MMP26: variants seen among roughly 807,000 people sequenced by gnomAD.
MMP26 encodes the protein matrix metalloproteinase-26.
MMP26 carries 33 observed loss-of-function variants against 31.0 expected under a neutral mutation model. The observed-to-expected ratio is 1.06, with a 90% CI of 0.81 to 1.42. The LOEUF (loss-of-function observed/expected upper bound fraction) is 1.42. Among genes scored for constraint, MMP26 ranks in the 40% most tolerant of loss-of-function variants. The pLI is 0.00. For missense variants in MMP26, 347 were observed against 316.1 expected, an observed-to-expected ratio of 1.10 and a Z score of -0.74; for synonymous variants, 122 against 114.9, an observed-to-expected ratio of 1.06 and a Z score of -0.40.
intron 2 of MMP26, chr11:4,877,388 T>C (rs994239073): frequency 6.6e-6 from 1 of 152,394 alleles, no homozygotes; most frequent in African/African-American, 2.4e-5. Flanking sequence ...CACACATTCA[T>C]GGCCAATATC....
At chr11:4,770,864 A>G (rs1016715692) in intron 2 of MMP26, among the ~76,000 whole-genome samples, 20 of 152,112 alleles carry the variant, frequency 1.3e-4, no homozygotes, top group African/African-American at 4.8e-4. Flanking sequence ...AAAAAAAAAC[A>G]TGGTGTGAAG....
chr11:4,895,308 T>G (rs570866271), intron 2 of MMP26, among the ~76,000 whole-genome samples: 6 of 152,292 alleles, frequency 3.9e-5, no homozygotes, highest in Admixed American at 2.0e-4. Context: ...CCAAAGTTCT[T>G]ATAATTACTT....
At position 4,882,230 on chromosome 11, in the gene MMP26, T is replaced by C. The variant is rs200217961; in HGVS notation, c.-144-105838T>C. The C allele has an allele frequency of 5.0e-6, 8 of 1,614,038 alleles. No homozygotes were observed. In the East Asian group the frequency reaches 1.8e-4, roughly 36 times the overall value. On this transcript the variant is annotated intron_variant, in intron 2 of 7. Coordinates refer to ENST00000380390, the MANE Select transcript of MMP26 (RefSeq NM_021801.5). Reference sequence around the variant, plus strand: ...AATGTTCTTTGTGCATGCTTTCTCCTTGCTGGAGTCCTCGGTGCTGGTAGC... The same window carrying C: ...AATGTTCTTTGTGCATGCTTTCTCCCTGCTGGAGTCCTCGGTGCTGGTAGC...
chr11:4,842,684 C>T lies in MMP26; in HGVS notation c.-145+75343C>T, dbSNP rs566928658. Reference sequence around the variant, plus strand: ...ACAGAGCCAAAACATATCATTCTGCCCCTTGACCCTCCAAAATCTCAAGGC... The same window carrying T: ...ACAGAGCCAAAACATATCATTCTGCTCCTTGACCCTCCAAAATCTCAAGGC... On this transcript the variant is annotated intron_variant, in intron 2 of 7. Transcript: ENST00000380390. Among the ~76,000 whole-genome samples the T allele has an allele frequency of 3.0e-4, 45 of 152,148 alleles. No homozygotes were observed. The East Asian group carries it at 8.1e-3, about 27-fold the overall frequency.
chr11:4,779,022 T>C (rs575945534), intron 2 of MMP26, among the ~76,000 whole-genome samples: 1 of 152,184 alleles, frequency 6.6e-6, no homozygotes, highest in Admixed American at 6.5e-5. Context: ...TCTTCCTGAT[T>C]ATGTAAATGC....
At chr11:4,743,146 G>T (rs1848336306) in intron 1 of MMP26, among the ~76,000 whole-genome samples, 1 of 151,906 alleles carries the variant, frequency 6.6e-6, no homozygotes, top group Non-Finnish European at 1.5e-5. Context: ...TATTAAAAAG[G>T]CAAGTGTTTA....
At chr11:4,989,891 G>A (rs767496914) in intron 4 of MMP26, 23 bp downstream of exon 4, 1 of 1,584,804 alleles carries the variant, frequency 6.3e-7, no homozygotes, top group Admixed American at 1.7e-5. Context: ...AAGGCCTAGA[G>A]GATAATGTGT....
At chr11:4,882,501 G>T (rs766155270) in intron 2 of MMP26, 3 of 1,613,676 alleles carry the variant, frequency 1.9e-6, no homozygotes, top group Admixed American at 3.3e-5. Flanking sequence ...AGTTTTTGGG[G>T]ACTGTTTCTT....
intron 2 of MMP26, among the ~76,000 whole-genome samples, chr11:4,898,812 T>A (rs59960888): frequency 8.7e-5 from 3 of 34,544 alleles, no homozygotes; most frequent in African/African-American, 4.3e-4. Context: ...TTAAGAAATC[T>A]CTCTCTCTCT....
chr11:4,947,537 G>A (rs1846331483), intron 2 of MMP26: 1 of 133,214 alleles, frequency 7.5e-6, no homozygotes, highest in East Asian at 2.0e-4. Context: ...GAATACCTGG[G>A]TACTTACCAG....
intron 2 of MMP26, 120 bp downstream of exon 2, chr11:4,767,461 A>T (rs558497889): frequency 2.6e-5 from 4 of 152,120 alleles, no homozygotes; most frequent in Non-Finnish European, 5.9e-5. Flanking sequence ...GCACAGTAAT[A>T]TTTTTTATTG....
At chr11:4,758,466 G>GAAAAAAA (rs376347621) in intron 1 of MMP26, among the ~76,000 whole-genome samples, 1 of 93,346 alleles carries the variant, frequency 1.1e-5, no homozygotes, top group Non-Finnish European at 2.3e-5. Flanking sequence ...CATCCATTTG[G>GAAAAAAA]AAAAAAAAAA....
intron 2 of MMP26, among the ~76,000 whole-genome samples, chr11:4,780,554 T>C (rs960685410): frequency 6.6e-6 from 1 of 152,188 alleles, no homozygotes; most frequent in Non-Finnish European, 1.5e-5. Context: ...TTTTTGCATG[T>C]AATTATTTTA....
intron 2 of MMP26, among the ~76,000 whole-genome samples, chr11:4,976,256 T>A (rs1266947985): frequency 6.6e-6 from 1 of 152,092 alleles, no homozygotes; most frequent in African/African-American, 2.4e-5. Context: ...TAAAGTTCAG[T>A]ATTTATATGA....
At chr11:4,943,402 A>C (rs1398022211) in intron 2 of MMP26, 15 of 446,166 alleles carry the variant, frequency 3.4e-5, no homozygotes, top group Non-Finnish European at 6.8e-5. Context: ...GATTGCCCCT[A>C]GGTGCTGTGT....
At chr11:4,875,624 T>G (rs186786200) in intron 2 of MMP26, 1 of 152,224 alleles carries the variant, frequency 6.6e-6, no homozygotes, top group East Asian at 1.9e-4. Context: ...GCTGCCATCT[T>G]TCTGGTTCTC....
At chr11:4,884,402 A>G (rs904141619) in intron 2 of MMP26, among the ~76,000 whole-genome samples, 2 of 152,132 alleles carry the variant, frequency 1.3e-5, no homozygotes, top group African/African-American at 4.8e-5. Flanking sequence ...TTTTGTTCTC[A>G]TATTGCTGCC....
At chr11:4,794,581 A>G (rs1387248269) in intron 2 of MMP26, among the ~76,000 whole-genome samples, 1 of 152,142 alleles carries the variant, frequency 6.6e-6, no homozygotes. Flanking sequence ...CTTATAATGC[A>G]TTGCAATCAT....
At chr11:4,946,402 C>G in intron 2 of MMP26, 8 of 1,613,336 alleles carry the variant, frequency 5.0e-6, no homozygotes, top group Non-Finnish European at 6.8e-6. Context: ...TAAGCTGCTC[C>G]TTTTTGGATG....
Sources: allele counts gnomAD v4.1 joint callset (sites outside exome capture counted in the v4.1 genomes callset), GRCh38; gene constraint gnomAD v4.1.1; transcripts MANE v1.5; gene names NCBI Gene and HGNC (gene_info 2026-07-23, HGNC 2026-07-21).